The following ALMS1 variants were observed in gnomAD, a reference collection of about 807,000 sequenced individuals.
ALMS1 encodes centrosome-associated protein ALMS1.
ALMS1 carries 271 observed loss-of-function variants against 352.2 expected under a neutral mutation model. The ratio of observed to expected loss-of-function variants is 0.77; its 90% confidence interval spans 0.70 to 0.85. The LOEUF (loss-of-function observed/expected upper bound fraction) is 0.85. ALMS1 is among the 40% of genes least tolerant of loss of function. ALMS1 has a pLI of 0.00. For missense variants in ALMS1, 5,445 were observed against 4,870.7 expected, an observed-to-expected ratio of 1.12 and a Z score of -3.51; for synonymous variants, 1,865 against 1,761.2, an observed-to-expected ratio of 1.06 and a Z score of -1.48.
At position 73,448,714 on chromosome 2, in the gene ALMS1, G is replaced by T. The variant is rs536950181; in HGVS notation, c.2187G>T (p.Glu729Asp). The T allele has an allele frequency of 6.2e-7, 1 of 1,605,240 alleles. No homozygotes were observed. Among genetic ancestry groups the T allele is most frequent in the Non-Finnish European group, 8.5e-7 (1 of 1,174,150 alleles). Reference sequence around the variant, plus strand: ...AGCCTGGTATTTTTTACCAACAAGAGTTCGCAGACAGTCATCAAACTGAAG... The same window carrying T: ...AGCCTGGTATTTTTTACCAACAAGATTTCGCAGACAGTCATCAAACTGAAG... ...REKPGIFYQQ[E>D]FADSHQTEET... Residue 729 changes from glutamate to aspartate, a missense_variant, in exon 8 of 23, where the codon GAG becomes GAT. Coordinates refer to ENST00000613296, the MANE Select transcript of ALMS1 (RefSeq NM_001378454.1).
At chr2:73,577,090 A>G (rs1381073183) in intron 16 of ALMS1, among the ~76,000 whole-genome samples, 2 of 152,190 alleles carry the variant, frequency 1.3e-5, no homozygotes, top group African/African-American at 2.4e-5. Context: ...CTATATTCAC[A>G]AGGAATATTT....
chr2:73,451,089 C>T lies in ALMS1; in HGVS notation c.4562C>T (p.Pro1521Leu). 1 of 1,613,786 alleles carries T rather than the reference C, an allele frequency of 6.2e-7. No individual in the cohort carries two copies. The highest frequency in any genetic ancestry group is 2.2e-5 in the East Asian group (1 of 44,866). Residue 1521 changes from proline to leucine, a missense_variant, in exon 8 of 23, where the codon CCT (proline) becomes CTT (leucine). Transcript: ENST00000613296. ...QTTGAPTITS[P>L]SYSQHRAKSG... The stretch of plus-strand genomic sequence containing the variant: ...ACTGGCGCACCAACTATAACCTCTC[C>T]TTCCTACTCACAACATAGAGCAAAG...
chr2:73,523,373 C>T (rs1167425031), intron 11 of ALMS1, among the ~76,000 whole-genome samples: 1 of 152,168 alleles, frequency 6.6e-6, no homozygotes, highest in East Asian at 1.9e-4. Flanking sequence ...TGAGTTTCTT[C>T]CTTAGAAGCA....
In ALMS1 at chr2:73,573,153, C is replaced by T. The variant is rs762055128; in HGVS notation, c.11276C>T (p.Ser3759Phe). 7 of 1,613,836 alleles carry T rather than the reference C, an allele frequency of 4.3e-6. No individual in the cohort carries two copies. The highest frequency in any genetic ancestry group is 5.1e-6 in the Non-Finnish European group (6 of 1,179,934). The change falls in exon 16 of 23, where the codon TCT (serine) becomes TTT (phenylalanine). Residue 3759 changes from serine to phenylalanine, a missense_variant. By Grantham distance (155) the Ser-to-Phe change is radical (BLOSUM62 -2). Transcript: ENST00000613296. ...ACCAACATCCTTTCCGGCACCACTT[C>T]TACTGTCGAATCAGATATATTGACC... ...TTTNILSGTT[S>F]TVESDILTQT...
chr2:73,408,715 A>G lies in ALMS1; in HGVS notation c.418A>G (p.Thr140Ala). 1 of 1,613,662 alleles carries G rather than the reference A, an allele frequency of 6.2e-7. No homozygotes were observed. The highest frequency in any genetic ancestry group is 8.5e-7 in the Non-Finnish European group (1 of 1,179,840). ...TGATACTAATGTGGTCTGTTTGGAA[A>G]CAACAGCTCAGCGGGGTTCTGGGGA... ...ISDTNVVCLE[T>A]TAQRGSGDDQ... The change falls in exon 2 of 23, where the codon ACA becomes GCA. Residue 140 changes from threonine (T) to alanine (A), a missense_variant. By Grantham distance (58) the Thr-to-Ala change is moderately conservative. Transcript: ENST00000613296.
chr2:73,471,982 T>C (rs768720348), intron 9 of ALMS1, among the ~76,000 whole-genome samples: 23 of 151,930 alleles, frequency 1.5e-4, no homozygotes, highest in Non-Finnish European at 3.1e-4. Flanking sequence ...ATAAAGAAAA[T>C]GTGGTATATA....
rs192563925 is a variant in ALMS1, at chr2:73,559,409, G to T, written c.10384+267G>T. ...GGATTATAAATAAATACCTAAGGCT[G>T]ATAGTTTTAGAAGTGAAGTATCTTG... On this transcript the variant is annotated intron_variant, in intron 15 of 22. Transcript: ENST00000613296. Among the ~76,000 whole-genome samples, 6 of 152,204 alleles carry T rather than the reference G, an allele frequency of 3.9e-5. No homozygotes were observed. The East Asian group carries it at 1.2e-3, about 29-fold the overall frequency.
At chr2:73,488,132 A>G (rs1018260114) in intron 9 of ALMS1, among the ~76,000 whole-genome samples, 1 of 152,148 alleles carries the variant, frequency 6.6e-6, no homozygotes, top group Non-Finnish European at 1.5e-5. Context: ...CTTTCTGCCC[A>G]GGAGCCTGTC....
intron 10 of ALMS1, among the ~76,000 whole-genome samples, chr2:73,513,867 C>T (rs1438899016): frequency 6.6e-6 from 1 of 152,158 alleles, no homozygotes; most frequent in Non-Finnish European, 1.5e-5. Context: ...TTTACATGGG[C>T]ACCTTCCTTA....
At position 73,573,182 on chromosome 2, in the gene ALMS1, A is replaced by G; in HGVS notation, c.11305A>G (p.Thr3769Ala). 1 of 1,612,892 alleles carries G rather than the reference A, an allele frequency of 6.2e-7. No individual in the cohort carries two copies. Among genetic ancestry groups the G allele is most frequent in the Middle Eastern group, 1.7e-4 (1 of 6,052 alleles). The change falls in exon 16 of 23, where the codon ACA becomes GCA. Residue 3769 changes from threonine (T) to alanine (A), a missense_variant. By Grantham distance (58) the Thr-to-Ala change is moderately conservative. Transcript: ENST00000613296. ...STVESDILTQ[T>A]DREVALHERS... is the part of the protein sequence containing the mutation. ...TGTCGAATCAGATATATTGACCCAA[A>G]CAGATAGAGAGGTGGCTCTGCACGA... is the stretch of plus-strand genomic sequence containing the variant.
At chr2:73,573,651 C>T in intron 16 of ALMS1, 2 of 647,984 alleles carry the variant, frequency 3.1e-6, no homozygotes, top group East Asian at 2.7e-5. Context: ...GGCTTTGCTG[C>T]TAGATCCTTC....
chr2:73,462,115 A>T (rs890612236), intron 9 of ALMS1, among the ~76,000 whole-genome samples: 2 of 152,066 alleles, frequency 1.3e-5, no homozygotes, highest in African/African-American at 4.8e-5. Flanking sequence ...CGCCACAAAG[A>T]TACTCCTCGA....
At chr2:73,556,758 A>G (rs1025244239) in intron 13 of ALMS1, among the ~76,000 whole-genome samples, 2 of 151,542 alleles carry the variant, frequency 1.3e-5, no homozygotes, top group Non-Finnish European at 2.9e-5. Flanking sequence ...GCTGGAGTGC[A>G]GTGGCACAGT....
At chr2:73,412,009 A>G (rs1011072321) in intron 2 of ALMS1, among the ~76,000 whole-genome samples, 2 of 152,176 alleles carry the variant, frequency 1.3e-5, no homozygotes, top group Non-Finnish European at 2.9e-5. Flanking sequence ...TGAAATTTTC[A>G]AGAGTTGTCT....
At chr2:73,495,660 A>G (rs1476521134) in intron 10 of ALMS1, among the ~76,000 whole-genome samples, 6 of 152,214 alleles carry the variant, frequency 3.9e-5, no homozygotes, top group Non-Finnish European at 8.8e-5. Context: ...GAATAAAGCT[A>G]AGAAATATAG....
chr2:73,537,118 T>TA (rs2103996585), intron 12 of ALMS1, among the ~76,000 whole-genome samples: 1 of 152,318 alleles, frequency 6.6e-6, no homozygotes, highest in African/African-American at 2.4e-5. Context: ...CATCCAGTGC[T>TA]AAAGGCCTCT....
At chr2:73,456,645 A>G (rs570034907) in intron 9 of ALMS1, 5 of 152,324 alleles carry the variant, frequency 3.3e-5, no homozygotes, top group Non-Finnish European at 7.3e-5. Flanking sequence ...CCAGTGATAT[A>G]GTTTATTTGG....
chr2:73,474,903 C>T (rs962444480), intron 9 of ALMS1, among the ~76,000 whole-genome samples: 9 of 152,052 alleles, frequency 5.9e-5, no homozygotes, highest in Non-Finnish European at 1.3e-4. Context: ...AGCCCCTCTC[C>T]CCCAATTCCC....
At chr2:73,574,009 C>T (rs1456627555) in intron 16 of ALMS1, among the ~76,000 whole-genome samples, 1 of 152,040 alleles carries the variant, frequency 6.6e-6, no homozygotes, top group Admixed American at 6.6e-5. Context: ...TGGATGTGGT[C>T]GCTAGAAAAG....
Sources: gnomAD v4.1 joint callset for allele counts (sites outside exome capture counted in the v4.1 genomes callset) on GRCh38, gnomAD v4.1.1 for gene constraint, MANE v1.5 for transcripts, NCBI Gene and HGNC (gene_info 2026-07-23, HGNC 2026-07-21) for gene names.